The following GNAQ variants were observed in gnomAD, a reference collection of about 807,000 sequenced individuals.
GNAQ encodes G protein subunit alpha q, also known as guanine nucleotide-binding protein G(q) subunit alpha.
Under a neutral mutation model 43.9 loss-of-function variants are expected in GNAQ, and 8 were observed. The ratio of observed to expected loss-of-function variants is 0.18; its 90% CI spans 0.11 to 0.33. The LOEUF (loss-of-function observed/expected upper bound fraction) is 0.33. Ranked by LOEUF, GNAQ falls within the 10% of genes least tolerant of loss-of-function variation. The pLI, the probability that GNAQ is intolerant of heterozygous loss-of-function variation, is 1.00. For synonymous variants in GNAQ, 155 were observed against 170.7 expected (o/e 0.91, Z 0.71); for missense variants, 158 against 450.8 (o/e 0.35, Z 5.88).
intron 1 of GNAQ, among the ~76,000 whole-genome samples, chr9:77,997,448 G>A (rs143279837): frequency 1.1e-4 from 17 of 152,250 alleles, no homozygotes; most frequent in African/African-American, 3.9e-4. Flanking sequence ...GTCTCCAATT[G>A]CTTCTTGCTT....
At chr9:77,825,593 GA>G (rs1434704467) in intron 2 of GNAQ, among the ~76,000 whole-genome samples, 1 of 152,198 alleles carries the variant, frequency 6.6e-6, no homozygotes, top group Non-Finnish European at 1.5e-5. Context: ...CGCTGTCTTT[GA>G]AAGAGAGATG....
chr9:77,820,579 C>A (rs1175511389), intron 2 of GNAQ, among the ~76,000 whole-genome samples: 1 of 152,104 alleles, frequency 6.6e-6, no homozygotes, highest in African/African-American at 2.4e-5. Flanking sequence ...CTTTTGAAGC[C>A]CCTCATGAAA....
intron 5 of GNAQ, among the ~76,000 whole-genome samples, chr9:77,751,176 G>A (rs1825805370): frequency 6.6e-6 from 1 of 152,176 alleles, no homozygotes; most frequent in Non-Finnish European, 1.5e-5. Flanking sequence ...TTCCAGGCAT[G>A]GGAAATTAGT....
intron 2 of GNAQ, among the ~76,000 whole-genome samples, chr9:77,904,133 G>T (rs1052052203): frequency 6.6e-6 from 1 of 152,078 alleles, no homozygotes; most frequent in African/African-American, 2.4e-5. Flanking sequence ...ACTTGCTAGA[G>T]CAAGTGTGTG....
At chr9:77,934,388 C>T (rs746084648) in intron 1 of GNAQ, among the ~76,000 whole-genome samples, 13 of 152,064 alleles carry the variant, frequency 8.5e-5, no homozygotes, top group Non-Finnish European at 1.5e-4. Context: ...TGACTAAAAA[C>T]TACAGTAGTC....
At chr9:77,780,533 C>A (rs1420099705) in intron 5 of GNAQ, among the ~76,000 whole-genome samples, 1 of 151,466 alleles carries the variant, frequency 6.6e-6, no homozygotes, top group African/African-American at 2.4e-5. Context: ...GGCACCTAGA[C>A]TGATACATTG....
intron 1 of GNAQ, among the ~76,000 whole-genome samples, chr9:77,971,227 C>T (rs925796685): frequency 2.6e-5 from 4 of 152,086 alleles, no homozygotes; most frequent in Non-Finnish European, 5.9e-5. Flanking sequence ...CCATTCCTTC[C>T]GAAACTATTT....
intron 5 of GNAQ, among the ~76,000 whole-genome samples, chr9:77,753,618 T>C (rs1015359238): frequency 6.6e-6 from 1 of 152,254 alleles, no homozygotes; most frequent in East Asian, 1.9e-4. Flanking sequence ...GTTGATATGA[T>C]TGAGGGTGAC....
intron 3 of GNAQ, among the ~76,000 whole-genome samples, chr9:77,804,471 G>A (rs575315170): frequency 1.3e-5 from 2 of 152,258 alleles, no homozygotes; most frequent in South Asian, 2.1e-4. Context: ...GTTTCAGGGT[G>A]TAACCACTGC....
intron 1 of GNAQ, among the ~76,000 whole-genome samples, chr9:77,934,396 GTCT>G (rs1194585934): frequency 1.3e-5 from 2 of 151,980 alleles, no homozygotes; most frequent in African/African-American, 4.8e-5. Context: ...AACTACAGTA[GTCT>G]TCTTTCAAGG....
chr9:78,026,866 T>C (rs1028745267), intron 1 of GNAQ, among the ~76,000 whole-genome samples: 1 of 152,224 alleles, frequency 6.6e-6, no homozygotes, highest in Non-Finnish European at 1.5e-5. Flanking sequence ...CCTGAAATTC[T>C]GTATTTAATT....
chr9:77,749,572 C>T (rs2118287257), intron 5 of GNAQ, among the ~76,000 whole-genome samples: 1 of 152,274 alleles, frequency 6.6e-6, no homozygotes, highest in South Asian at 2.1e-4. Flanking sequence ...TCTCTAGTTG[C>T]TAATACTGGG....
chr9:77,798,305 C>A (rs149711236), intron 3 of GNAQ, among the ~76,000 whole-genome samples: 108 of 152,232 alleles, frequency 7.1e-4, no homozygotes, highest in Middle Eastern at 3.4e-3. Context: ...ATACTTTTCC[C>A]TTCCCTTAAA....
chr9:77,809,647 T>C (rs941865903), intron 3 of GNAQ, among the ~76,000 whole-genome samples: 5 of 152,222 alleles, frequency 3.3e-5, no homozygotes, highest in Non-Finnish European at 7.3e-5. Context: ...ATTCACCAAA[T>C]TAAGGCCAAT....
intron 1 of GNAQ, among the ~76,000 whole-genome samples, chr9:77,972,532 ATAAG>A (rs1348006569): frequency 6.6e-6 from 1 of 152,164 alleles, no homozygotes; most frequent in Non-Finnish European, 1.5e-5. Context: ...CTTTTCCATA[ATAAG>A]TAAGTACTAG....
intron 4 of GNAQ, among the ~76,000 whole-genome samples, chr9:77,796,214 A>T (rs972746712): frequency 1.3e-5 from 2 of 152,222 alleles, no homozygotes; most frequent in Non-Finnish European, 2.9e-5. Context: ...TATCTATTAG[A>T]ACAATGTATG....
chr9:77,853,816 T>C (rs980067092), intron 2 of GNAQ, among the ~76,000 whole-genome samples: 1 of 149,278 alleles, frequency 6.7e-6, no homozygotes, highest in African/African-American at 2.5e-5. Context: ...AGGCACTATT[T>C]CATCAGGAAA....
chr9:77,853,739 C>G (rs1363246974), intron 2 of GNAQ, among the ~76,000 whole-genome samples: 1 of 116,084 alleles, frequency 8.6e-6, no homozygotes, highest in Non-Finnish European at 1.6e-5. Flanking sequence ...ATTATTCCAG[C>G]GGATTTCAAT....
intron 1 of GNAQ, among the ~76,000 whole-genome samples, chr9:77,998,932 CA>C (rs201320711): frequency 6.7e-6 from 1 of 149,618 alleles, no homozygotes; most frequent in Non-Finnish European, 1.5e-5. Context: ...ACTAAAACTA[CA>C]AAAAAAAATT....
Sources: allele counts gnomAD v4.1 joint callset (sites outside exome capture counted in the v4.1 genomes callset), GRCh38; gene constraint gnomAD v4.1.1; transcripts MANE v1.5; gene names NCBI Gene and HGNC (gene_info 2026-07-23, HGNC 2026-07-21).